Variants in AKAP19 observed in about 807,000 individuals in gnomAD.
AKAP19 encodes the protein A-kinase anchoring protein 19.
At chr2:190,052,847 C>CTTTCTCA in the AKAP19 span, among the ~76,000 whole-genome samples, 1 of 152,076 alleles carries the variant, frequency 6.6e-6, no homozygotes, top group Non-Finnish European at 1.5e-5. Flanking sequence ...TCTCAGGAGA[C>CTTTCTCA]GTTTTCAACA....
the AKAP19 span, among the ~76,000 whole-genome samples, chr2:190,133,050 C>T: frequency 6.6e-6 from 1 of 151,850 alleles, no homozygotes. Flanking sequence ...TCCTGGCTAA[C>T]ACAGTGAAAC....
chr2:190,068,893 G>A, the AKAP19 span, among the ~76,000 whole-genome samples: 46 of 152,128 alleles, frequency 3.0e-4, no homozygotes, highest in Admixed American at 7.2e-4. Context: ...GGAGCACTGA[G>A]CACTTTGAGT....
the AKAP19 span, among the ~76,000 whole-genome samples, chr2:190,145,072 C>T: frequency 1.3e-5 from 2 of 152,118 alleles, no homozygotes; most frequent in Non-Finnish European, 2.9e-5. Context: ...ATTGCTTGAG[C>T]CCAGGAGTTC....
chr2:189,964,195 G>C, the AKAP19 span, among the ~76,000 whole-genome samples: 1 of 152,172 alleles, frequency 6.6e-6, no homozygotes, highest in Non-Finnish European at 1.5e-5. Context: ...TCTTTTTTGG[G>C]TGATGAGGTG....
chr2:189,923,503 G>C, the AKAP19 span: 39 of 1,613,772 alleles, frequency 2.4e-5, no homozygotes, highest in Non-Finnish European at 3.1e-5. Flanking sequence ...CCTTCTTTCA[G>C]TATGTTAATG....
the AKAP19 span, among the ~76,000 whole-genome samples, chr2:190,186,927 C>T: frequency 6.6e-6 from 1 of 152,080 alleles, no homozygotes; most frequent in African/African-American, 2.4e-5. The surrounding 1 kb of genome is among the most constrained non-coding windows in gnomAD (Gnocchi z 5.5). Context: ...GCAACTTCCG[C>T]CTCCCAGGTT....
At chr2:190,128,501 A>G in the AKAP19 span, among the ~76,000 whole-genome samples, 3 of 152,190 alleles carry the variant, frequency 2.0e-5, no homozygotes, top group African/African-American at 4.8e-5. Flanking sequence ...AGGGAGTGCA[A>G]TGGTACCGGA....
the AKAP19 span, chr2:190,181,116 G>A: frequency 3.0e-6 from 3 of 985,500 alleles, no homozygotes; most frequent in African/African-American, 1.7e-5. Context: ...TTGTGTAAGT[G>A]AACATCTGGG....
At chr2:190,008,239 T>C in the AKAP19 span, among the ~76,000 whole-genome samples, 1 of 152,220 alleles carries the variant, frequency 6.6e-6, no homozygotes, top group African/African-American at 2.4e-5. Flanking sequence ...TTAAGCAAAG[T>C]ATGTAAATCC....
the AKAP19 span, among the ~76,000 whole-genome samples, chr2:189,992,685 T>G: frequency 9.8e-5 from 15 of 152,322 alleles, no homozygotes; most frequent in Non-Finnish European, 1.6e-4. Flanking sequence ...TTTGTGTCAC[T>G]GATGATTTCT....
chr2:189,955,110 C>A, the AKAP19 span, among the ~76,000 whole-genome samples: 8 of 152,080 alleles, frequency 5.3e-5, no homozygotes, highest in Non-Finnish European at 1.2e-4. Flanking sequence ...ACCCTCCCAC[C>A]TTTTGGAGTC....
chr2:190,021,068 G>A, the AKAP19 span, among the ~76,000 whole-genome samples: 1 of 152,036 alleles, frequency 6.6e-6, no homozygotes, highest in Non-Finnish European at 1.5e-5. Context: ...TTTGGCTATT[G>A]TGGATAATGC....
At chr2:190,093,980 TG>T in the AKAP19 span, among the ~76,000 whole-genome samples, 1 of 152,230 alleles carries the variant, frequency 6.6e-6, no homozygotes, top group Non-Finnish European at 1.5e-5. Context: ...AAGCACATGG[TG>T]CTGTTACGAA....
the AKAP19 span, among the ~76,000 whole-genome samples, chr2:190,112,921 AT>A: frequency 1.3e-5 from 2 of 152,118 alleles, no homozygotes; most frequent in African/African-American, 4.8e-5. Flanking sequence ...GACTTGGCCA[AT>A]TTTAGCAGGT....
chr2:189,984,592 C>G, the AKAP19 span, among the ~76,000 whole-genome samples: 4 of 152,110 alleles, frequency 2.6e-5, no homozygotes, highest in African/African-American at 9.7e-5. Flanking sequence ...TCCTCCTCGG[C>G]TGACAGGATT....
At chr2:189,924,358 C>T in the AKAP19 span, 1 of 821,962 alleles carries the variant, frequency 1.2e-6, no homozygotes, top group Non-Finnish European at 2.0e-6. Context: ...TTCCCATGTT[C>T]ATTAATTAAT....
chr2:190,011,246 A>T, the AKAP19 span, among the ~76,000 whole-genome samples: 1 of 151,816 alleles, frequency 6.6e-6, no homozygotes, highest in Non-Finnish European at 1.5e-5. Context: ...TCTTTAGTAG[A>T]GATGGGGTTT....
the AKAP19 span, among the ~76,000 whole-genome samples, chr2:190,055,342 G>C: frequency 2.5e-5 from 3 of 120,622 alleles, no homozygotes; most frequent in South Asian, 3.4e-4. Context: ...GGTGGGGGGA[G>C]GGGGGAGGGA....
the AKAP19 span, among the ~76,000 whole-genome samples, chr2:189,978,852 T>C: frequency 1.3e-5 from 2 of 152,072 alleles, no homozygotes; most frequent in African/African-American, 4.8e-5. Flanking sequence ...AAAATTACCT[T>C]GTAATTAACT....
Sources: allele counts gnomAD v4.1 joint callset (sites outside exome capture counted in the v4.1 genomes callset), GRCh38; gene constraint gnomAD v4.1.1; non-coding constraint Gnocchi (gnomAD v3.1); transcripts MANE v1.5; gene names NCBI Gene and HGNC (gene_info 2026-07-23, HGNC 2026-07-21).